The following CDH23 variants were observed in gnomAD, a reference collection of about 807,000 sequenced individuals.
The protein encoded by CDH23 is cadherin related 23, also known as cadherin-23.
In CDH23, 189 loss-of-function variants were observed where a neutral mutation model predicts 317.1. The observed-to-expected ratio is 0.60, with a 90% CI of 0.53 to 0.67. The LOEUF is 0.67. Among genes scored for constraint, CDH23 ranks in the 30% least tolerant of loss-of-function variants. The pLI is 0.00. For synonymous variants in CDH23, 1,839 were observed against 1,876.8 expected (o/e 0.98, Z 0.52); for missense variants, 4,401 against 4,592.4 (o/e 0.96, Z 1.20).
chr10:71,427,195 GA>G (rs1254669401), intron 1 of CDH23, among the ~76,000 whole-genome samples: 34,654 of 98,908 alleles, frequency 0.35, 6,457 homozygotes, highest in Middle Eastern at 0.47. Flanking sequence ...AGGAAGGAAA[GA>G]GAAAGAAAGA....
intron 16 of CDH23, among the ~76,000 whole-genome samples, chr10:71,678,843 C>T (rs1184921437): frequency 1.3e-5 from 2 of 152,196 alleles, no homozygotes; most frequent in Non-Finnish European, 2.9e-5. Flanking sequence ...CCACTGTGGC[C>T]AAATACTGTG....
At chr10:71,470,738 G>A (rs11815369) in intron 3 of CDH23, among the ~76,000 whole-genome samples, 7,595 of 152,060 alleles carry the variant, frequency 0.05, 654 homozygotes, top group African/African-American at 0.17. Flanking sequence ...TGATCCTCCC[G>A]CCTTGGCCTC....
At chr10:71,447,124 C>A (rs1376017339) in intron 3 of CDH23, among the ~76,000 whole-genome samples, 2 of 152,294 alleles carry the variant, frequency 1.3e-5, no homozygotes, top group East Asian at 3.9e-4. Flanking sequence ...TCATCCGGGG[C>A]TTCTTACTCT....
intron 6 of CDH23, among the ~76,000 whole-genome samples, chr10:71,566,310 G>A (rs148714867): frequency 5.9e-5 from 9 of 151,948 alleles, no homozygotes; most frequent in Non-Finnish European, 1.5e-5. Flanking sequence ...CCTGACCAGG[G>A]GCCCCGTAAA....
At chr10:71,654,758 T>A (rs911980517) in intron 14 of CDH23, among the ~76,000 whole-genome samples, 1 of 152,106 alleles carries the variant, frequency 6.6e-6, no homozygotes, top group Non-Finnish European at 1.5e-5. Context: ...TCCGGACATC[T>A]CCCAGCATGG....
intron 9 of CDH23, among the ~76,000 whole-genome samples, chr10:71,587,912 T>C (rs1859191598): frequency 6.6e-6 from 1 of 152,242 alleles, no homozygotes; most frequent in Non-Finnish European, 1.5e-5. Flanking sequence ...AGAGAAAGAT[T>C]AAGCATAAGG....
intron 6 of CDH23, among the ~76,000 whole-genome samples, chr10:71,532,832 C>T (rs540849500): frequency 4.0e-5 from 6 of 149,666 alleles, no homozygotes; most frequent in South Asian, 4.2e-4. Flanking sequence ...TAGGTTCAAG[C>T]GATTCTCCTG....
In CDH23 at chr10:71,582,746, C is replaced by T. The variant is rs57909972; in HGVS notation, c.832+4754C>T. ...CTGAGCAGCGTGGACTCTTCATTCC[C>T]ACCCACAGTTGACCGAGGGCCTTCC... On this transcript the variant is annotated intron_variant, in intron 9 of 69. Transcript: ENST00000224721. 2.0e-5 allele frequency among the ~76,000 whole-genome samples: 3 copies of T among 152,342 alleles called. No homozygotes were observed. In the East Asian group the frequency reaches 5.8e-4, roughly 29 times the overall value.
intron 11 of CDH23, among the ~76,000 whole-genome samples, chr10:71,636,152 G>A (rs113397094): frequency 6.6e-5 from 10 of 152,104 alleles, no homozygotes; most frequent in Admixed American, 2.0e-4. Context: ...AAGAGGAGGC[G>A]AGGAGAGAGG....
At chr10:71,431,636 T>C (rs937202524) in intron 1 of CDH23, among the ~76,000 whole-genome samples, 3 of 152,278 alleles carry the variant, frequency 2.0e-5, no homozygotes, top group Admixed American at 1.3e-4. Context: ...TCTGATTTTA[T>C]GGGAATTCAT....
intron 25 of CDH23, among the ~76,000 whole-genome samples, 180 bp from the exon 26 acceptor site, chr10:71,706,717 C>G (rs1466868702): frequency 6.6e-6 from 1 of 152,206 alleles, no homozygotes; most frequent in Admixed American, 6.5e-5. Context: ...GTCCTGGCCC[C>G]GGTGGGCATG....
chr10:71,722,857 A>G (rs1866620835), intron 28 of CDH23, among the ~76,000 whole-genome samples: 1 of 152,202 alleles, frequency 6.6e-6, no homozygotes, highest in South Asian at 2.1e-4. Context: ...GTGCCAGGGC[A>G]GTTAAGAGGA....
intron 1 of CDH23, among the ~76,000 whole-genome samples, chr10:71,408,935 G>A (rs930889004): frequency 1.3e-5 from 2 of 152,208 alleles, no homozygotes; most frequent in Non-Finnish European, 2.9e-5. Flanking sequence ...TGATGCAGAC[G>A]GCCTTGGCCA....
chr10:71,748,993 C>T (rs951677825), intron 38 of CDH23: 3 of 152,548 alleles, frequency 2.0e-5, no homozygotes, highest in Non-Finnish European at 4.4e-5. Flanking sequence ...GGCAGGGCCG[C>T]ACCAGAGGAA....
In CDH23 at chr10:71,811,771, T is replaced by TG. The variant is rs1841937643; in HGVS notation, c.9319+22dup. On this transcript the variant is annotated intron_variant, in intron 65 of 69. Coordinates refer to ENST00000224721, the MANE Select transcript of CDH23 (RefSeq NM_022124.6). The stretch of plus-strand genomic sequence containing the variant: ...CTCAGCTGGTAAGTGAGGGCCATAG[T>TG]GGGGACACAGGTGAGAAGGCAGTGG... The TG allele has an allele frequency of 1.3e-6, 2 of 1,564,646 alleles. No homozygotes were observed. Among genetic ancestry groups the TG allele is most frequent in the Admixed American group, 3.9e-5 (2 of 51,728 alleles).
At chr10:71,708,402 A>G (rs1865864216) in intron 26 of CDH23, among the ~76,000 whole-genome samples, 1 of 152,144 alleles carries the variant, frequency 6.6e-6, no homozygotes, top group Non-Finnish European at 1.5e-5. Flanking sequence ...GCTGCCCAGA[A>G]CACCACACTG....
At chr10:71,769,427 C>T (rs1046082336) in intron 38 of CDH23, among the ~76,000 whole-genome samples, 27 of 151,600 alleles carry the variant, frequency 1.8e-4, no homozygotes, top group African/African-American at 5.1e-4. Context: ...CTAATGACAG[C>T]GATAAAAAGT....
chr10:71,617,632 A>G (rs1043201147), intron 11 of CDH23: 1 of 674,904 alleles, frequency 1.5e-6, no homozygotes, highest in African/African-American at 1.9e-5. Context: ...GTTATTATTT[A>G]GAAGTTACAT....
At chr10:71,568,187 C>T (rs1857519536) in intron 7 of CDH23, among the ~76,000 whole-genome samples, 1 of 152,228 alleles carries the variant, frequency 6.6e-6, no homozygotes, top group Non-Finnish European at 1.5e-5. Flanking sequence ...TCCTTCTCCC[C>T]TGTTTAAGTG....
Sources: allele counts gnomAD v4.1 joint callset (sites outside exome capture counted in the v4.1 genomes callset), GRCh38; gene constraint gnomAD v4.1.1; transcripts MANE v1.5; gene names NCBI Gene and HGNC (gene_info 2026-07-23, HGNC 2026-07-21).